The following NFIA variants were observed in gnomAD, a reference collection of about 807,000 sequenced individuals.
NFIA encodes the protein nuclear factor 1 A-type.
A neutral mutation model predicts 62.8 loss-of-function variants in NFIA; 8 were observed. The observed-to-expected ratio is 0.13, with a 90% confidence interval of 0.07 to 0.23. NFIA has a LOEUF of 0.23. Among genes scored for constraint, NFIA ranks in the 10% least tolerant of loss-of-function variants. The pLI, the probability that NFIA is intolerant of heterozygous loss-of-function variation, is 1.00. For synonymous variants in NFIA, 235 were observed against 238.1 expected, an observed-to-expected ratio of 0.99 and a Z score of 0.12; for missense variants, 410 against 642.1, an observed-to-expected ratio of 0.64 and a Z score of 3.91.
rs1431786802 is a variant in NFIA at position 61,082,698 on chromosome 1, T to C, written c.-94T>C. 3.5e-5 allele frequency: 52 copies of C among 1,494,606 alleles called. No homozygotes were observed. In the Admixed American group the frequency reaches 5.5e-4, roughly 16 times the overall value. 92.6% of individuals were successfully genotyped at this position (1,494,606 alleles called of 1,614,324 possible). ...TCTCTCTCTCTCTCTCTCTCTCTCT[T>C]CCTCTCTCCCTCTTTCTCCTCTCTC... On this transcript the variant is annotated 5_prime_UTR_variant, in exon 1 of 11. Transcript: ENST00000403491.
intron 1 of NFIA, among the ~76,000 whole-genome samples, chr1:61,085,414 T>A (rs1313155061): frequency 6.6e-6 from 1 of 152,184 alleles, no homozygotes; most frequent in East Asian, 1.9e-4. Context: ...TAATACCACT[T>A]TTGAAACAGG....
intron 3 of NFIA, among the ~76,000 whole-genome samples, chr1:61,315,042 A>AAC (rs1660299418): frequency 1.3e-5 from 2 of 152,062 alleles, no homozygotes; most frequent in South Asian, 4.2e-4. Flanking sequence ...ACCTGAAACA[A>AAC]AAAAAAACAC....
chr1:61,126,877 C>T (rs1313020657), intron 2 of NFIA, among the ~76,000 whole-genome samples: 1 of 145,564 alleles, frequency 6.9e-6, no homozygotes, highest in Non-Finnish European at 1.5e-5. Context: ...CTCCACCTCC[C>T]AGGTTCAAGT....
rs575902166 is a variant in NFIA at position 61,125,206 on chromosome 1, T to G, written c.559+36526T>G. 4.6e-5 allele frequency: 7 copies of G among 152,302 alleles called. No individual in the cohort carries two copies. The East Asian group carries it at 1.3e-3, about 29-fold the overall frequency. 9.4% of individuals were successfully genotyped at this position (152,302 alleles called of 1,614,324 possible). A position where few individuals can be genotyped will look rare whatever the true frequency, so the allele number is the denominator to read the frequency against. Reference sequence around the variant, plus strand: ...GAAATAAAACTTGAATATCCCCTTTTTTGTTGTTGTTTATGAATGGCCAAT... The same window carrying G: ...GAAATAAAACTTGAATATCCCCTTTGTTGTTGTTGTTTATGAATGGCCAAT... On this transcript the variant is annotated intron_variant, in intron 2 of 10. Transcript: ENST00000403491.
At chr1:61,171,140 T>G (rs1649940921) in intron 2 of NFIA, among the ~76,000 whole-genome samples, 1 of 152,222 alleles carries the variant, frequency 6.6e-6, no homozygotes, top group Non-Finnish European at 1.5e-5. Flanking sequence ...ACTCTCAGTT[T>G]CTTTTATTCC....
At chr1:61,352,785 G>GCA (rs1302904766) in intron 5 of NFIA, among the ~76,000 whole-genome samples, 4 of 115,742 alleles carry the variant, frequency 3.5e-5, no homozygotes, top group Non-Finnish European at 7.3e-5. Flanking sequence ...ACACACACAC[G>GCA]CACACACACT....
At chr1:61,083,535 G>T (rs1646159268) in intron 1 of NFIA, among the ~76,000 whole-genome samples, 1 of 151,942 alleles carries the variant, frequency 6.6e-6, no homozygotes, top group African/African-American at 2.4e-5. Flanking sequence ...GCGGGGCTAC[G>T]TGGACGCGCG....
chr1:61,173,533 A>G (rs1361575456), intron 2 of NFIA, among the ~76,000 whole-genome samples: 1 of 151,968 alleles, frequency 6.6e-6, no homozygotes, highest in African/African-American at 2.4e-5. Flanking sequence ...GATTACAGAC[A>G]TTGCACCACT....
At chr1:61,426,586 G>T (rs1666881545) in intron 10 of NFIA, 30 bp downstream of exon 10, 2 of 1,489,462 alleles carry the variant, frequency 1.3e-6, no homozygotes, top group Non-Finnish European at 1.8e-6. Context: ...TCTGTATGTG[G>T]TGCAGCTTGT....
intron 2 of NFIA, among the ~76,000 whole-genome samples, chr1:61,152,174 A>C (rs553991875): frequency 3.9e-5 from 6 of 152,294 alleles, no homozygotes; most frequent in Admixed American, 1.3e-4. Flanking sequence ...CCTATCAGCT[A>C]TTAGTGCCTA....
chr1:61,430,023 C>T (rs145968700), intron 10 of NFIA, among the ~76,000 whole-genome samples: 1 of 152,284 alleles, frequency 6.6e-6, no homozygotes, highest in African/African-American at 2.4e-5. Flanking sequence ...ACAATGTGAA[C>T]ATACCAAATC....
At chr1:61,239,520 A>T (rs572560925) in intron 2 of NFIA, among the ~76,000 whole-genome samples, 12 of 152,220 alleles carry the variant, frequency 7.9e-5, no homozygotes, top group African/African-American at 2.9e-4. Context: ...CAACATAATA[A>T]CTCTTATTAG....
chr1:61,341,431 T>A (rs1367153329), intron 4 of NFIA, among the ~76,000 whole-genome samples: 1 of 152,114 alleles, frequency 6.6e-6, no homozygotes, highest in Non-Finnish European at 1.5e-5. Context: ...TGAGCAAAAA[T>A]TCCCTATGAA....
chr1:61,163,769 G>T (rs1172974728), intron 2 of NFIA, among the ~76,000 whole-genome samples: 2 of 152,144 alleles, frequency 1.3e-5, no homozygotes, highest in Non-Finnish European at 2.9e-5. Flanking sequence ...ATACTGCATG[G>T]TATCTATTTT....
chr1:61,347,165 C>CTTTTTTTT lies in NFIA; in HGVS notation c.701-5266_701-5259dup, dbSNP rs869046737. On this transcript the variant is annotated intron_variant, in intron 4 of 10. Transcript: ENST00000403491. ...TATTCAGAAACTGTCCTGGATCCCA[C>CTTTTTTTT]TTTTTTTTTTTTTTTTTTTTTTTTT... Among the ~76,000 whole-genome samples, 31 of 70,138 alleles carry CTTTTTTTT rather than the reference C, an allele frequency of 4.4e-4. 5 individuals carry two copies. Among genetic ancestry groups the CTTTTTTTT allele is most frequent in the African/African-American group, 1.9e-3 (29 of 15,288 alleles). The allele number at this position is 70,138 out of a possible 152,430, so 46.0% of individuals were successfully genotyped here.
intron 2 of NFIA, among the ~76,000 whole-genome samples, chr1:61,165,978 G>A (rs1432698170): frequency 1.3e-5 from 2 of 152,148 alleles, no homozygotes; most frequent in South Asian, 2.1e-4. Flanking sequence ...TATTAGGGAA[G>A]ACTATGCTTA....
intron 2 of NFIA, among the ~76,000 whole-genome samples, chr1:61,150,685 C>T (rs1051654375): frequency 1.3e-5 from 2 of 152,130 alleles, no homozygotes; most frequent in African/African-American, 2.4e-5. Flanking sequence ...CAACAAAATT[C>T]CCCCAACAAA....
intron 3 of NFIA, among the ~76,000 whole-genome samples, chr1:61,304,629 G>A (rs1218051790): frequency 2.0e-5 from 3 of 151,966 alleles, no homozygotes; most frequent in Admixed American, 6.6e-5. Context: ...AGAAACAACA[G>A]TTGTTCTTCA....
At chr1:61,148,087 T>C (rs1469831656) in intron 2 of NFIA, among the ~76,000 whole-genome samples, 1 of 152,164 alleles carries the variant, frequency 6.6e-6, no homozygotes, top group Non-Finnish European at 1.5e-5. Flanking sequence ...GTACAGTGCA[T>C]TGTTGAGTAG....
Sources: allele counts gnomAD v4.1 joint callset (sites outside exome capture counted in the v4.1 genomes callset), GRCh38; gene constraint gnomAD v4.1.1; transcripts MANE v1.5; gene names NCBI Gene and HGNC (gene_info 2026-07-23, HGNC 2026-07-21).